CIPC: variants seen among roughly 807,000 people sequenced by gnomAD.
The protein encoded by CIPC is CLOCK-interacting pacemaker.
CIPC carries 12 observed loss-of-function variants against 26.7 expected under a neutral mutation model. The observed-to-expected ratio is 0.45, with a 90% CI of 0.29 to 0.73. The LOEUF (loss-of-function observed/expected upper bound fraction) is 0.73, where lower values mean the gene tolerates loss of function less well. CIPC is among the 30% of genes least tolerant of loss of function. The probability of loss-of-function intolerance (pLI) is 0.12; values close to 1 mark genes in which losing one functional copy is unlikely to be tolerated. For missense variants in CIPC, 417 were observed against 486.5 expected (o/e 0.86, Z 1.34); for synonymous variants, 170 against 189.8 (o/e 0.90, Z 0.86).
intron 3 of CIPC, among the ~76,000 whole-genome samples, chr14:77,110,210 G>A (rs1594821861): frequency 2.0e-5 from 3 of 150,840 alleles, no homozygotes; most frequent in South Asian, 2.1e-4. Context: ...TTTTCAGACA[G>A]TTAGGTTGTT....
At position 77,114,486 on chromosome 14, in the gene CIPC, G is replaced by T. The variant is rs577899653; in HGVS notation, c.*168G>T. ...TACCTGGCTGCTGTCTTAACTCGTA[G>T]TCTGGGCACAGGATACATATGTCCC... On this transcript the variant is annotated 3_prime_UTR_variant, in exon 4 of 4. Coordinates refer to ENST00000361786, the MANE Select transcript of CIPC (RefSeq NM_033426.3). 6 of 686,358 alleles carry T rather than the reference G, an allele frequency of 8.7e-6. No individual in the cohort carries two copies. The highest frequency in any genetic ancestry group is 2.0e-5 in the South Asian group (1 of 51,122). The allele number at this position is 686,358 out of a possible 1,614,324, so 42.5% of individuals were successfully genotyped here.
Position 77,113,456 on chromosome 14 carries a change from C to T in CIPC, c.338C>T (p.Thr113Ile). 6.2e-7 allele frequency: 1 copy of T among 1,614,194 alleles called. No homozygotes were observed. Among genetic ancestry groups the T allele is most frequent in the Non-Finnish European group, 8.5e-7 (1 of 1,180,046 alleles). Reference protein sequence around the residue: ...GSSSSQLQSWTVQPSFEVISA... With the variant: ...GSSSSQLQSWIVQPSFEVISA... The stretch of plus-strand genomic sequence containing the variant: ...AGCTCATCCCAGCTCCAGTCGTGGA[C>T]TGTCCAGCCCTCCTTTGAAGTGATC... Residue 113 changes from threonine to isoleucine, a missense_variant, in exon 4 of 4, where the codon ACT becomes ATT. Coordinates refer to ENST00000361786, the MANE Select transcript of CIPC (RefSeq NM_033426.3).
At chr14:77,099,702 G>C (rs1886438761) in intron 1 of CIPC, among the ~76,000 whole-genome samples, 1 of 152,172 alleles carries the variant, frequency 6.6e-6, no homozygotes. Context: ...TCTATAAAAG[G>C]AGAGATCTGA....
chr14:77,105,998 T>G, intron 2 of CIPC, 154 bp downstream of exon 2: 1 of 780,320 alleles, frequency 1.3e-6, no homozygotes, highest in Non-Finnish European at 1.9e-6. Flanking sequence ...ATGCCATATG[T>G]CAGGGTACCC....
chr14:77,099,635 G>A (rs1456977589), intron 1 of CIPC, among the ~76,000 whole-genome samples: 1 of 152,170 alleles, frequency 6.6e-6, no homozygotes, highest in Non-Finnish European at 1.5e-5. Context: ...AGGCACACAT[G>A]TTATACACGT....
chr14:77,111,159 T>C (rs1238199418), intron 3 of CIPC, among the ~76,000 whole-genome samples: 1 of 152,232 alleles, frequency 6.6e-6, no homozygotes, highest in Non-Finnish European at 1.5e-5. Context: ...TCTCCCTGCC[T>C]TCCTCTCTGG....
chr14:77,105,973 A>G, intron 2 of CIPC, 129 bp downstream of exon 2: 4 of 1,073,774 alleles, frequency 3.7e-6, no homozygotes, highest in Non-Finnish European at 5.2e-6. Context: ...TACCTGCTTT[A>G]AAATGGTAAT....
intron 3 of CIPC, among the ~76,000 whole-genome samples, chr14:77,111,993 G>A (rs891806844): frequency 6.6e-6 from 1 of 152,156 alleles, no homozygotes; most frequent in Non-Finnish European, 1.5e-5. Context: ...ATATTCCGGA[G>A]TATATTTGAA....
At position 77,115,189 on chromosome 14, in the gene CIPC, A is replaced by G. The variant is rs1439157908; in HGVS notation, c.*871A>G. The stretch of plus-strand genomic sequence containing the variant: ...TGTTTTATGTCTAAAAATCTTAAGG[A>G]TAGTTTCAGTGGTTCCTGGGATGTA... On this transcript the variant is annotated 3_prime_UTR_variant, in exon 4 of 4. Coordinates refer to ENST00000361786, the MANE Select transcript of CIPC (RefSeq NM_033426.3). The G allele has an allele frequency of 1.3e-5, 2 of 149,368 alleles. No homozygotes were observed. The highest frequency in any genetic ancestry group is 1.9e-4 in the East Asian group (1 of 5,158). The allele number at this position is 149,368 out of a possible 1,614,324, so 9.3% of individuals were successfully genotyped here.
At chr14:77,104,309 T>C (rs74530931) in intron 1 of CIPC, among the ~76,000 whole-genome samples, 13,171 of 152,160 alleles carry the variant, frequency 0.087, 626 homozygotes, top group Admixed American at 0.15. Context: ...ATCGCTTCCA[T>C]CTGGGCAGTT....
At chr14:77,113,335 G>C in intron 3 of CIPC, 90 bp from the exon 4 acceptor site, 1 of 1,356,856 alleles carries the variant, frequency 7.4e-7, no homozygotes, top group Non-Finnish European at 1.0e-6. Context: ...CTAAGCATTT[G>C]AGTATCCACT....
At chr14:77,101,768 G>A (rs1356545651) in intron 1 of CIPC, among the ~76,000 whole-genome samples, 1 of 152,180 alleles carries the variant, frequency 6.6e-6, no homozygotes, top group Non-Finnish European at 1.5e-5. Flanking sequence ...ATGGACGGCT[G>A]TGTAGAAATA....
At chr14:77,111,716 A>G (rs1886705016) in intron 3 of CIPC, among the ~76,000 whole-genome samples, 1 of 152,254 alleles carries the variant, frequency 6.6e-6, no homozygotes, top group Non-Finnish European at 1.5e-5. Context: ...TGTAAAATCT[A>G]ATAATTGGAA....
intron 1 of CIPC, chr14:77,099,988 G>C (rs192652554): frequency 2.3e-4 from 35 of 152,258 alleles, no homozygotes; most frequent in Admixed American, 2.2e-3. Context: ...TAAGCTACTA[G>C]AGCTGTCAGA....
intron 1 of CIPC, among the ~76,000 whole-genome samples, chr14:77,101,746 G>A (rs984429966): frequency 6.6e-6 from 1 of 152,144 alleles, no homozygotes; most frequent in Non-Finnish European, 1.5e-5. Context: ...TTATGGTTAG[G>A]TTTGATGAAG....
chr14:77,100,243 T>C lies in CIPC; in HGVS notation c.-53+1882T>C, dbSNP rs199499933. ...TATTGATTCACTTTCTTTCTTTCTT[T>C]TTTTTTTTTTTTTTTTGAGACGGAG... On this transcript the variant is annotated intron_variant, in intron 1 of 3. Transcript: ENST00000361786. 4.1e-3 allele frequency among the ~76,000 whole-genome samples: 212 copies of C among 52,192 alleles called. 3 individuals carry two copies. The highest frequency in any genetic ancestry group is 0.038 in the East Asian group (26 of 686). 34.2% of individuals were successfully genotyped at this position (52,192 alleles called of 152,430 possible). A position where few individuals can be genotyped will look rare whatever the true frequency, so the allele number is the denominator to read the frequency against.
chr14:77,110,093 A>G (rs1453224195), intron 3 of CIPC, 112 bp downstream of exon 3: 2 of 1,030,606 alleles, frequency 1.9e-6, no homozygotes, highest in African/African-American at 3.2e-5. Context: ...GAAACAGACC[A>G]TTAGAACCAC....
intron 1 of CIPC, among the ~76,000 whole-genome samples, chr14:77,103,135 T>C (rs1886524254): frequency 6.6e-6 from 1 of 152,232 alleles, no homozygotes; most frequent in Non-Finnish European, 1.5e-5. Context: ...TTAAATGAGT[T>C]AGATACGGGG....
chr14:77,112,016 T>G (rs544958151), intron 3 of CIPC, among the ~76,000 whole-genome samples: 1 of 152,306 alleles, frequency 6.6e-6, no homozygotes, highest in Admixed American at 6.5e-5. Context: ...TCAAGAGGAC[T>G]CTAGATCGTT....
Sources: gnomAD v4.1 joint callset for allele counts (sites outside exome capture counted in the v4.1 genomes callset) on GRCh38, gnomAD v4.1.1 for gene constraint, MANE v1.5 for transcripts, NCBI Gene and HGNC (gene_info 2026-07-23, HGNC 2026-07-21) for gene names.